The following GPC3 variants were observed in gnomAD, a reference collection of about 807,000 sequenced individuals.
GPC3 encodes glypican 3, also known as glypican-3.
In GPC3, 3 loss-of-function variants were observed where a neutral mutation model predicts 34.4. The observed-to-expected ratio is 0.09, with a 90% CI of 0.04 to 0.23. The LOEUF (loss-of-function observed/expected upper bound fraction) is 0.23. Among genes scored for constraint, GPC3 ranks in the 10% least tolerant of loss-of-function variants. GPC3 has a pLI of 1.00. For missense variants in GPC3, 351 were observed against 445.6 expected (o/e 0.79, Z 1.91); for synonymous variants, 177 against 174.0 (o/e 1.02, Z -0.13).
chrX:133,678,615 G>A (rs1408135401), intron 5 of GPC3, among the ~76,000 whole-genome samples: 1 of 111,658 alleles, frequency 9.0e-6, no homozygotes, highest in Non-Finnish European at 1.9e-5. Flanking sequence ...GTTGATCACT[G>A]TAGGGGCCAG....
chrX:133,908,130 A>G (rs1011581660), intron 2 of GPC3, among the ~76,000 whole-genome samples: 5 of 111,462 alleles, frequency 4.5e-5, no homozygotes, highest in Non-Finnish European at 9.4e-5. Context: ...AAGTACTATC[A>G]AAGGTCAAAA....
intron 7 of GPC3, among the ~76,000 whole-genome samples, chrX:133,579,422 C>G (rs1476799602): frequency 8.9e-6 from 1 of 112,808 alleles, no homozygotes; most frequent in African/African-American, 3.2e-5. Context: ...CAATTAGGTC[C>G]CAGGCACTGG....
intron 6 of GPC3, among the ~76,000 whole-genome samples, chrX:133,651,039 G>A (rs1214290265): frequency 9.0e-6 from 1 of 111,450 alleles, no homozygotes; most frequent in Admixed American, 9.5e-5. Flanking sequence ...GTCTCACTGA[G>A]ACTCTCAGTC....
At chrX:133,902,284 TAA>T (rs968171030) in intron 2 of GPC3, among the ~76,000 whole-genome samples, 3 of 112,713 alleles carry the variant, frequency 2.7e-5, no homozygotes, top group African/African-American at 9.6e-5. Context: ...TGTATGTTTT[TAA>T]AAAGTTTTAA....
intron 7 of GPC3, among the ~76,000 whole-genome samples, chrX:133,544,499 G>T (rs1349235490): frequency 9.0e-6 from 1 of 111,315 alleles, no homozygotes; most frequent in East Asian, 2.8e-4. Context: ...CATTAAGAAA[G>T]AAATAAAAAA....
chrX:133,863,221 A>G (rs1236035047), intron 2 of GPC3, among the ~76,000 whole-genome samples: 1 of 112,388 alleles, frequency 8.9e-6, no homozygotes, highest in Admixed American at 9.4e-5. Flanking sequence ...CCCCTTGTCA[A>G]TAGAATAGCC....
intron 1 of GPC3, among the ~76,000 whole-genome samples, chrX:133,957,476 GAAAT>G (rs1274617863): frequency 8.9e-6 from 1 of 112,118 alleles, no homozygotes. Context: ...ACATGTGCAT[GAAAT>G]AAATAAAACA....
At chrX:133,867,833 G>A (rs766013981) in intron 2 of GPC3, among the ~76,000 whole-genome samples, 20 of 106,978 alleles carry the variant, frequency 1.9e-4, no homozygotes, top group African/African-American at 4.8e-4. Flanking sequence ...AGAATGGTGC[G>A]CAGAGAAAGA....
intron 1 of GPC3, among the ~76,000 whole-genome samples, chrX:133,983,163 C>T (rs1423206026): frequency 8.9e-6 from 1 of 112,055 alleles, no homozygotes; most frequent in Non-Finnish European, 1.9e-5. Flanking sequence ...GGCTTGGCTC[C>T]AGTGCAAGTC....
intron 4 of GPC3, among the ~76,000 whole-genome samples, chrX:133,694,750 A>T (rs2071097705): frequency 9.5e-6 from 1 of 105,319 alleles, no homozygotes; most frequent in South Asian, 4.4e-4. Context: ...CATAGAAGTT[A>T]AAAAAAAAAC....
intron 6 of GPC3, among the ~76,000 whole-genome samples, chrX:133,658,984 G>A (rs1171100044): frequency 1.8e-5 from 2 of 111,692 alleles, no homozygotes; most frequent in Non-Finnish European, 3.8e-5. Flanking sequence ...AGAAAGTACT[G>A]GAACTCCCTT....
At chrX:133,596,339 G>A in intron 7 of GPC3, 101 bp downstream of exon 7, 2 of 726,741 alleles carry the variant, frequency 2.8e-6, no homozygotes, top group Non-Finnish European at 4.4e-6. Flanking sequence ...ATTGTGTGTT[G>A]CAGGGAATGT....
chrX:133,754,974 G>T (rs1250061257), intron 2 of GPC3, among the ~76,000 whole-genome samples: 2 of 111,709 alleles, frequency 1.8e-5, no homozygotes, highest in African/African-American at 6.5e-5. Flanking sequence ...TACATCTGCT[G>T]CCCCAACCCC....
chrX:133,796,829 T>A (rs1382873452), intron 2 of GPC3, among the ~76,000 whole-genome samples: 3 of 111,522 alleles, frequency 2.7e-5, no homozygotes, highest in African/African-American at 9.8e-5. Flanking sequence ...TTTTCTTGAA[T>A]GACTACAGAT....
chrX:133,557,458 A>G (rs2069500450), intron 7 of GPC3, among the ~76,000 whole-genome samples: 1 of 111,441 alleles, frequency 9.0e-6, no homozygotes, highest in Non-Finnish European at 1.9e-5. Flanking sequence ...GAGTGCTTTC[A>G]TTAAAAAACA....
chrX:133,800,762 A>T (rs1363235107), intron 2 of GPC3, among the ~76,000 whole-genome samples: 4 of 111,858 alleles, frequency 3.6e-5, no homozygotes. Flanking sequence ...CAATTTGAGA[A>T]AAAAACAGTG....
At position 133,647,214 on chromosome X, in the gene GPC3, A is replaced by G. The variant is rs188728339; in HGVS notation, c.1413+14516T>C. Among the ~76,000 whole-genome samples, 47 of 112,678 alleles carry G rather than the reference A, an allele frequency of 4.2e-4. 1 individual carries two copies. The highest frequency in any genetic ancestry group is 1.4e-3 in the African/African-American group (45 of 31,066). On this transcript the variant is annotated intron_variant, in intron 6 of 7. Coordinates refer to ENST00000370818, the MANE Select transcript of GPC3 (RefSeq NM_004484.4). ...CTCTAAACTGAGGATAAAGAGGAACAGAGTTTTTTACTTATTTATGCAATA... is the reference window on the plus strand; with the variant it reads ...CTCTAAACTGAGGATAAAGAGGAACGGAGTTTTTTACTTATTTATGCAATA...
At chrX:133,865,770 A>G (rs2075963561) in intron 2 of GPC3, among the ~76,000 whole-genome samples, 1 of 111,963 alleles carries the variant, frequency 8.9e-6, no homozygotes, top group South Asian at 3.8e-4. Flanking sequence ...CTGAAGCACA[A>G]TTAGGAGGGT....
intron 1 of GPC3, among the ~76,000 whole-genome samples, chrX:133,976,044 G>A (rs753570154): frequency 8.9e-6 from 1 of 111,807 alleles, no homozygotes; most frequent in African/African-American, 3.2e-5. Context: ...CTGTGTACTT[G>A]GGGAAATGAT....
Sources: allele counts gnomAD v4.1 joint callset (sites outside exome capture counted in the v4.1 genomes callset), GRCh38; gene constraint gnomAD v4.1.1; transcripts MANE v1.5; gene names NCBI Gene and HGNC (gene_info 2026-07-23, HGNC 2026-07-21).